The following CLDN14 variants were observed in gnomAD, a reference collection of about 807,000 sequenced individuals.
The protein encoded by CLDN14 is claudin 14.
In CLDN14, 2 loss-of-function variants were observed where a neutral mutation model predicts 2.1. That is an observed-to-expected ratio of 0.96 (90% confidence interval 0.39 to 3.01). The LOEUF is 3.01. Ranked by LOEUF, CLDN14 falls within the 30% of genes most tolerant of loss-of-function variation. The pLI is 0.09. For synonymous variants in CLDN14, 136 were observed against 154.4 expected (o/e 0.88, Z 0.88); for missense variants, 298 against 328.0 (o/e 0.91, Z 0.71).
chr21:36,473,828 C>T (rs759659713), intron 1 of CLDN14, among the ~76,000 whole-genome samples: 6 of 152,274 alleles, frequency 3.9e-5, no homozygotes, highest in East Asian at 3.9e-4. Flanking sequence ...TAGGAATGGG[C>T]GATAGTGAAC....
rs1185505878 is a variant in CLDN14 at position 36,461,755 on chromosome 21, T to A, written c.-60A>T. The A allele has an allele frequency of 3.3e-6, 5 of 1,534,874 alleles. No individual in the cohort carries two copies. Among genetic ancestry groups the A allele is most frequent in the Non-Finnish European group, 4.4e-6 (5 of 1,142,178 alleles). On this transcript the variant is annotated 5_prime_UTR_variant, in exon 2 of 2. Transcript: ENST00000399135. The stretch of plus-strand genomic sequence containing the variant: ...CCCTGGGCCCTCGGGGTCACGCCGC[T>A]CCTCAGGTGCCAGCCGGAGCCCTAA...
chr21:36,533,778 G>A (rs993599461), intron 1 of CLDN14, among the ~76,000 whole-genome samples: 1 of 152,108 alleles, frequency 6.6e-6, no homozygotes, highest in Non-Finnish European at 1.5e-5. Flanking sequence ...CTTATAAGTG[G>A]GAGCTAAATG....
At chr21:36,490,939 C>A (rs1277397434) in intron 2 of CLDN14, among the ~76,000 whole-genome samples, 1 of 137,292 alleles carries the variant, frequency 7.3e-6, no homozygotes, top group Non-Finnish European at 1.5e-5. Context: ...CACACACATG[C>A]AAGTGCACAG....
At chr21:36,560,939 A>C (rs1373886570) in intron 1 of CLDN14, among the ~76,000 whole-genome samples, 1 of 152,234 alleles carries the variant, frequency 6.6e-6, no homozygotes, top group Non-Finnish European at 1.5e-5. Flanking sequence ...AACCAGTTGC[A>C]GATACTTTCA....
chr21:36,476,642 C>T (rs1233568717), intron 1 of CLDN14, among the ~76,000 whole-genome samples: 3 of 152,116 alleles, frequency 2.0e-5, no homozygotes, highest in Non-Finnish European at 4.4e-5. Flanking sequence ...TAGTAGAGAC[C>T]AGGTTTCACC....
intron 1 of CLDN14, among the ~76,000 whole-genome samples, chr21:36,511,634 G>A (rs1481434229): frequency 6.6e-6 from 1 of 152,044 alleles, no homozygotes; most frequent in Non-Finnish European, 1.5e-5. Flanking sequence ...GCACATCTGT[G>A]AGCCATGTGT....
At chr21:36,485,585 GCAAGATGTTGCA>G (rs2086886882) in intron 2 of CLDN14, among the ~76,000 whole-genome samples, 1 of 152,174 alleles carries the variant, frequency 6.6e-6, no homozygotes, top group Non-Finnish European at 1.5e-5. Flanking sequence ...AATCAATACA[GCAAGATGTTGCA>G]CTAGTGATCG....
At chr21:36,500,590 C>A (rs2087084322) in intron 2 of CLDN14, among the ~76,000 whole-genome samples, 1 of 152,084 alleles carries the variant, frequency 6.6e-6, no homozygotes, top group Non-Finnish European at 1.5e-5. Context: ...TGCCACCATG[C>A]CTGGCTAATT....
At chr21:36,489,879 C>T (rs1329905615) in intron 2 of CLDN14, among the ~76,000 whole-genome samples, 1 of 152,222 alleles carries the variant, frequency 6.6e-6, no homozygotes, top group Admixed American at 6.5e-5. Context: ...AGTAGCCAGC[C>T]AGAGCCACCA....
At chr21:36,508,700 A>C (rs1189888225) in intron 2 of CLDN14, among the ~76,000 whole-genome samples, 1 of 152,124 alleles carries the variant, frequency 6.6e-6, no homozygotes, top group Non-Finnish European at 1.5e-5. Context: ...GGAAGAAACC[A>C]CCGAGGTTTC....
intron 1 of CLDN14, among the ~76,000 whole-genome samples, chr21:36,478,218 T>C (rs1412502932): frequency 6.6e-6 from 1 of 152,254 alleles, no homozygotes; most frequent in African/African-American, 2.4e-5. Context: ...TAGATTTTTC[T>C]GTAGATGTCT....
At chr21:36,519,634 C>T (rs564928811) in intron 1 of CLDN14, among the ~76,000 whole-genome samples, 5 of 152,268 alleles carry the variant, frequency 3.3e-5, no homozygotes, top group Non-Finnish European at 4.4e-5. Flanking sequence ...CTTTTGAACC[C>T]GGCAGGTGGA....
chr21:36,506,804 G>A (rs2087137601), intron 2 of CLDN14, among the ~76,000 whole-genome samples: 1 of 151,904 alleles, frequency 6.6e-6, no homozygotes, highest in Admixed American at 6.6e-5. Flanking sequence ...TAGGGAGCAA[G>A]GTATCTATTG....
At position 36,461,005 on chromosome 21, in the gene CLDN14, TG is replaced by T. The variant is rs2086559520; in HGVS notation, c.690del (p.His230GlnfsTer6). ...ACGTAGTCGTTCAGCCTGTACCCGCTGTGCGTGGCCGAGGTCACTGAGGGGG... is the reference window on the plus strand; with the variant it reads ...ACGTAGTCGTTCAGCCTGTACCCGCTTGCGTGGCCGAGGTCACTGAGGGGG... ...NRAPSVTSAT[H>X]SGYRLNDYV On this transcript the variant is annotated frameshift_variant, in exon 2 of 2. Coordinates refer to ENST00000399135, the MANE Select transcript of CLDN14 (RefSeq NM_001146079.2). LOFTEE classifies it high-confidence loss of function. 1 of 1,613,078 alleles carries T rather than the reference TG, an allele frequency of 6.2e-7. No individual in the cohort carries two copies. The highest frequency in any genetic ancestry group is 1.3e-5 in the African/African-American group (1 of 74,916).
intron 2 of CLDN14, chr21:36,486,584 A>G (rs2086899535): frequency 6.4e-7 from 1 of 1,554,232 alleles, no homozygotes; most frequent in South Asian, 1.1e-5. Context: ...CCCAGGAGGC[A>G]CTGCCACCAG....
In CLDN14 at chr21:36,499,817, AT is replaced by A. The variant is rs1326581810; in HGVS notation, c.-82+10545del. On this transcript the variant is annotated intron_variant, in intron 2 of 2. Transcript: ENST00000342108. The surrounding 1 kb of genome is among the most constrained non-coding windows in gnomAD (Gnocchi z 4.7). ...GGATTTATTGCTCCTTAGATGATCA[AT>A]GCTGCCCCCAGGGCTGCTGTCATCT... is the stretch of plus-strand genomic sequence containing the variant. Among the ~76,000 whole-genome samples, 1 of 152,014 alleles carries A rather than the reference AT, an allele frequency of 6.6e-6. No individual in the cohort carries two copies. Among genetic ancestry groups the A allele is most frequent in the Non-Finnish European group, 1.5e-5 (1 of 68,016 alleles).
At chr21:36,552,341 AG>A (rs1301177078) in intron 1 of CLDN14, among the ~76,000 whole-genome samples, 2 of 152,230 alleles carry the variant, frequency 1.3e-5, no homozygotes, top group Non-Finnish European at 2.9e-5. Context: ...TTAACAGACA[AG>A]TGGGCTTTCT....
rs530624091 is a variant in CLDN14 at position 36,522,491 on chromosome 21, C to T, written c.-219-11991G>A. Among the ~76,000 whole-genome samples the T allele has an allele frequency of 9.3e-4, 142 of 152,282 alleles. 2 individuals carry two copies. In the South Asian group the frequency reaches 0.017, roughly 18 times the overall value. ...CTGCGTGCCCAGCAGCCAGGAATTC[C>T]CTCCCCTCCATCCCCATTTGGGGCC... On this transcript the variant is annotated intron_variant, in intron 1 of 2. Coordinates refer to the CLDN14 transcript ENST00000342108.
Position 36,461,562 on chromosome 21 carries a change from G to A in CLDN14, c.134C>T (p.Ser45Phe), listed in dbSNP as rs1044825412. Residue 45 changes from serine to phenylalanine, a missense_variant, in exon 2 of 2, where the codon TCC becomes TTC. Coordinates refer to ENST00000399135, the MANE Select transcript of CLDN14 (RefSeq NM_001146079.2). ...HVGTNILTAV[S>F]YLKGLWMECV... ...CTCCATCCAGAGCCCTTTCAGGTAG[G>A]ACACGGCCGTGAGGATGTTGGTGCC... 62 of 1,613,076 alleles carry A rather than the reference G, an allele frequency of 3.8e-5. No individual in the cohort carries two copies. Among genetic ancestry groups the A allele is most frequent in the Non-Finnish European group, 5.0e-5 (59 of 1,179,926 alleles).
Sources: gnomAD v4.1 joint callset for allele counts (sites outside exome capture counted in the v4.1 genomes callset) on GRCh38, gnomAD v4.1.1 for gene constraint, Gnocchi (gnomAD v3.1) non-coding constraint, MANE v1.5 for transcripts, NCBI Gene and HGNC (gene_info 2026-07-23, HGNC 2026-07-21) for gene names.